PDE1C: variants seen among roughly 807,000 people sequenced by gnomAD.
PDE1C encodes the protein phosphodiesterase 1C, also known as dual specificity calcium/calmodulin-dependent 3',5'-cyclic nucleotide phosphodiesterase 1C.
PDE1C carries 62 observed loss-of-function variants against 93.1 expected under a neutral mutation model. That is an observed-to-expected ratio of 0.67 (90% CI 0.54 to 0.82). The LOEUF is 0.82. Ranked by LOEUF, PDE1C falls within the 40% of genes least tolerant of loss-of-function variation. The pLI is 0.00. For missense variants in PDE1C, 742 were observed against 884.6 expected, an observed-to-expected ratio of 0.84 and a Z score of 2.04; for synonymous variants, 325 against 310.1, an observed-to-expected ratio of 1.05 and a Z score of -0.50.
intron 3 of PDE1C, among the ~76,000 whole-genome samples, chr7:32,089,533 G>T (rs2128743814): frequency 6.6e-6 from 1 of 152,290 alleles, no homozygotes; most frequent in South Asian, 2.1e-4. Flanking sequence ...AGACAAAGCA[G>T]AGAGGAAACC....
chr7:31,815,888 G>A (rs370323375), intron 15 of PDE1C, 36 bp downstream of exon 15: 42 of 1,457,090 alleles, frequency 2.9e-5, no homozygotes, highest in Admixed American at 1.3e-4. Context: ...CATTAATGCC[G>A]CGAAAAGAGC....
chr7:32,180,580 AG>A (rs556439477), intron 2 of PDE1C, among the ~76,000 whole-genome samples: 1 of 152,332 alleles, frequency 6.6e-6, no homozygotes, highest in African/African-American at 2.4e-5. Flanking sequence ...AGCAGAAATC[AG>A]GCCCTCACCA....
chr7:31,886,192 T>C (rs1797853298), intron 2 of PDE1C, among the ~76,000 whole-genome samples: 1 of 152,206 alleles, frequency 6.6e-6, no homozygotes, highest in Non-Finnish European at 1.5e-5. Context: ...ATCACACCCA[T>C]GTATTCGAAC....
At chr7:31,919,024 C>T (rs567947826) in intron 2 of PDE1C, among the ~76,000 whole-genome samples, 3 of 152,292 alleles carry the variant, frequency 2.0e-5, no homozygotes, top group East Asian at 3.9e-4. Context: ...ATCAGCAATG[C>T]TATAAATAAA....
At chr7:31,654,050 G>A in the PDE1C span, among the ~76,000 whole-genome samples, 29 of 12,296 alleles carry the variant, frequency 2.4e-3, no homozygotes, top group African/African-American at 9.4e-3. Flanking sequence ...TGAAGAGTAA[G>A]TCCAAAAAAA....
At chr7:31,797,040 G>T (rs1450766700) in intron 16 of PDE1C, among the ~76,000 whole-genome samples, 1 of 151,608 alleles carries the variant, frequency 6.6e-6, no homozygotes, top group African/African-American at 2.4e-5. Context: ...GAGAAAATAA[G>T]GTTGTAACTG....
chr7:31,720,092 A>G, the PDE1C span, among the ~76,000 whole-genome samples: 2 of 141,240 alleles, frequency 1.4e-5, no homozygotes, highest in East Asian at 2.3e-4. Flanking sequence ...GAACCCGGGA[A>G]GCGGAGCTTG....
intron 3 of PDE1C, among the ~76,000 whole-genome samples, chr7:32,152,142 T>A (rs992056071): frequency 6.6e-6 from 1 of 152,206 alleles, no homozygotes; most frequent in African/African-American, 2.4e-5. Context: ...GAGTAGGGCA[T>A]GACTCCATTC....
chr7:31,695,366 T>A, the PDE1C span: 3 of 1,047,628 alleles, frequency 2.9e-6, no homozygotes, highest in East Asian at 7.6e-5. Context: ...TCAGGCCAAA[T>A]CACCTCTGTC....
chr7:31,736,250 G>A, the PDE1C span, among the ~76,000 whole-genome samples: 1 of 152,184 alleles, frequency 6.6e-6, no homozygotes, highest in Non-Finnish European at 1.5e-5. Context: ...TTGCCTTAGG[G>A]ATTTCTTTGT....
chr7:31,644,113 T>C, the PDE1C span, among the ~76,000 whole-genome samples: 1 of 152,242 alleles, frequency 6.6e-6, no homozygotes, highest in Non-Finnish European at 1.5e-5. Flanking sequence ...GTTTATGATA[T>C]AGTATCACAC....
chr7:31,663,522 G>A, the PDE1C span, among the ~76,000 whole-genome samples: 1 of 152,164 alleles, frequency 6.6e-6, no homozygotes, highest in African/African-American at 2.4e-5. Flanking sequence ...GAAAATATCG[G>A]AGGATATAAA....
At chr7:32,133,099 T>G (rs999779241) in intron 3 of PDE1C, among the ~76,000 whole-genome samples, 1 of 152,008 alleles carries the variant, frequency 6.6e-6, no homozygotes, top group Non-Finnish European at 1.5e-5. Flanking sequence ...AATATTTGAG[T>G]CCAGAACTGA....
intron 2 of PDE1C, among the ~76,000 whole-genome samples, chr7:31,893,856 G>C (rs1367474708): frequency 6.6e-6 from 1 of 152,050 alleles, no homozygotes; most frequent in Admixed American, 6.6e-5. Context: ...TAGTGCTTTG[G>C]AGTTTGTCCC....
intron 3 of PDE1C, among the ~76,000 whole-genome samples, chr7:32,112,838 G>GTATA (rs1798736843): frequency 3.1e-4 from 19 of 61,314 alleles, no homozygotes; most frequent in Non-Finnish European, 1.6e-4. Context: ...GTGTGTGTGT[G>GTATA]TGTGTGTGTA....
chr7:32,210,307 G>A (rs578180349), intron 1 of PDE1C, among the ~76,000 whole-genome samples: 1 of 152,296 alleles, frequency 6.6e-6, no homozygotes, highest in South Asian at 2.1e-4. Flanking sequence ...CTTGGTTGTT[G>A]TATGTATACA....
chr7:31,793,512 C>T (rs867151122), intron 16 of PDE1C, among the ~76,000 whole-genome samples: 1 of 151,980 alleles, frequency 6.6e-6, no homozygotes, highest in South Asian at 2.1e-4. Context: ...TAGCTGCCTC[C>T]CTATGGAGTC....
chr7:31,703,329 C>G, the PDE1C span, among the ~76,000 whole-genome samples: 1 of 152,222 alleles, frequency 6.6e-6, no homozygotes, highest in Non-Finnish European at 1.5e-5. Context: ...GGGTTGAGCT[C>G]TGTTTACCTG....
chr7:31,902,075 A>C (rs113626373), intron 2 of PDE1C, among the ~76,000 whole-genome samples: 1 of 151,538 alleles, frequency 6.6e-6, no homozygotes, highest in Non-Finnish European at 1.5e-5. Flanking sequence ...GGTTTCTCTA[A>C]GCATGGCATC....
Sources: allele counts gnomAD v4.1 joint callset (sites outside exome capture counted in the v4.1 genomes callset), GRCh38; gene constraint gnomAD v4.1.1; transcripts MANE v1.5; gene names NCBI Gene and HGNC (gene_info 2026-07-23, HGNC 2026-07-21).